RYK: variants seen among roughly 807,000 people sequenced by gnomAD.
The protein encoded by RYK is receptor like tyrosine kinase.
A neutral mutation model predicts 70.2 loss-of-function variants in RYK; 21 were observed. The observed-to-expected ratio is 0.30, with a 90% CI of 0.21 to 0.43. The LOEUF (loss-of-function observed/expected upper bound fraction) is 0.43, where lower values mean the gene tolerates loss of function less well. Among genes scored for constraint, RYK ranks in the 20% least tolerant of loss-of-function variants. The probability of loss-of-function intolerance (pLI) is 1.00; values close to 1 mark genes in which losing one functional copy is unlikely to be tolerated. For synonymous variants in RYK, 267 were observed against 278.0 expected, an observed-to-expected ratio of 0.96 and a Z score of 0.39; for missense variants, 604 against 753.3, an observed-to-expected ratio of 0.80 and a Z score of 2.32.
At chr3:134,186,123 T>C (rs1034226167) in intron 9 of RYK, among the ~76,000 whole-genome samples, 7 of 152,194 alleles carry the variant, frequency 4.6e-5, no homozygotes, top group African/African-American at 1.7e-4. Flanking sequence ...ACTATAAAAA[T>C]TTAGTAGCTA....
chr3:134,169,079 TG>T (rs2012799416), intron 13 of RYK, among the ~76,000 whole-genome samples: 1 of 152,226 alleles, frequency 6.6e-6, no homozygotes, highest in East Asian at 1.9e-4. Flanking sequence ...CAACACATTT[TG>T]ATTTGTCCTA....
intron 13 of RYK, among the ~76,000 whole-genome samples, chr3:134,166,020 G>C (rs2012653171): frequency 6.6e-6 from 1 of 152,248 alleles, no homozygotes; most frequent in Non-Finnish European, 1.5e-5. Context: ...TTTTAGGGCT[G>C]TTGGGATGGA....
At chr3:134,165,165 CTTTTTTA>C (rs2012617469) in intron 13 of RYK, among the ~76,000 whole-genome samples, 1 of 152,086 alleles carries the variant, frequency 6.6e-6, no homozygotes, top group Non-Finnish European at 1.5e-5. Flanking sequence ...TTCTTATAAA[CTTTTTTA>C]AAACTTTATT....
In RYK at chr3:134,201,529, GAGAGAC is replaced by G. The variant is rs779231178; in HGVS notation, c.788+1195_788+1200del. Reference sequence around the variant, plus strand: ...AGTGCAATAACTGCTACGAGAGAGAGAGAGACAGAGACAGAGACAAAGAGAAAGGGG... The same window carrying G: ...AGTGCAATAACTGCTACGAGAGAGAGAGAGACAGAGACAAAGAGAAAGGGG... On this transcript the variant is annotated intron_variant, in intron 6 of 14. Transcript: ENST00000623711. Among the ~76,000 whole-genome samples, 80 of 152,282 alleles carry G rather than the reference GAGAGAC, an allele frequency of 5.3e-4. No individual in the cohort carries two copies. The South Asian group carries it at 8.3e-3, about 16-fold the overall frequency.
At chr3:134,175,104 G>C (rs1316988674) in intron 13 of RYK, among the ~76,000 whole-genome samples, 1 of 152,190 alleles carries the variant, frequency 6.6e-6, no homozygotes, top group African/African-American at 2.4e-5. Flanking sequence ...GGGAGGCGGA[G>C]GCAGGTGGAT....
In RYK at chr3:134,250,471, GC is replaced by G. The variant is rs1266873233; in HGVS notation, c.183del (p.Ser63AlafsTer2). On this transcript the variant is annotated frameshift_variant, in exon 1 of 15. Transcript: ENST00000623711. LOFTEE classifies it high-confidence loss of function. ...TCGCTCAGGTAGAGACTCACGCTGGGCCCCGCGGAAGCCGACTGCAGCTCCG... is the reference window on the plus strand; with the variant it reads ...TCGCTCAGGTAGAGACTCACGCTGGGCCCGCGGAAGCCGACTGCAGCTCCG... ...RPPELQSASA[G>X]PSVSLYLSED... The G allele has an allele frequency of 2.2e-6, 3 of 1,368,314 alleles. No individual in the cohort carries two copies. Among genetic ancestry groups the G allele is most frequent in the Admixed American group, 2.7e-5 (1 of 37,658 alleles). 84.8% of individuals were successfully genotyped at this position (1,368,314 alleles called of 1,614,324 possible).
chr3:134,211,574 C>T lies in RYK; in HGVS notation c.388G>A (p.Val130Ile). ...EYKLGFQVDN[V>I]LAMDMPQVNI... The stretch of plus-strand genomic sequence containing the variant: ...ACCTGGGGCATATCCATTGCCAAAA[C>T]ATTGTCCACTTGGAATCCCAGCTTA... The change falls in exon 3 of 15, where the codon GTT (valine) becomes ATT (isoleucine). Residue 130 changes from valine (V) to isoleucine (I), a missense_variant. Physicochemically the swap from Val to Ile is conservative, Grantham distance 29 (BLOSUM62 3). Coordinates refer to ENST00000623711, the MANE Select transcript of RYK (RefSeq NM_002958.4). 6.2e-7 allele frequency: 1 copy of T among 1,613,710 alleles called. No homozygotes were observed. The highest frequency in any genetic ancestry group is 1.1e-5 in the South Asian group (1 of 91,056).
intron 1 of RYK, among the ~76,000 whole-genome samples, chr3:134,230,741 G>C (rs566986051): frequency 2.0e-5 from 3 of 152,262 alleles, no homozygotes; most frequent in Admixed American, 6.5e-5. Flanking sequence ...CCTATATCTT[G>C]GTTGGAGTGG....
chr3:134,168,002 C>G (rs2012745789), intron 13 of RYK, among the ~76,000 whole-genome samples: 1 of 152,088 alleles, frequency 6.6e-6, no homozygotes, highest in Non-Finnish European at 1.5e-5. Flanking sequence ...TTTATGCAGC[C>G]AAAAGACACA....
chr3:134,236,517 T>G (rs1478441416), intron 1 of RYK, among the ~76,000 whole-genome samples: 1 of 152,184 alleles, frequency 6.6e-6, no homozygotes, highest in Non-Finnish European at 1.5e-5. Flanking sequence ...GAGCTACAGA[T>G]TCACTAAAAT....
At chr3:134,199,972 C>T (rs2013942241) in intron 6 of RYK, among the ~76,000 whole-genome samples, 1 of 151,106 alleles carries the variant, frequency 6.6e-6, no homozygotes, top group Non-Finnish European at 1.5e-5. Context: ...TTTGTAAACG[C>T]ACCAATCAGC....
chr3:134,195,494 G>A (rs748557827), intron 6 of RYK, among the ~76,000 whole-genome samples: 19 of 152,104 alleles, frequency 1.2e-4, no homozygotes, highest in Non-Finnish European at 2.6e-4. Flanking sequence ...AGGGAACTAC[G>A]GATCATCTCT....
intron 1 of RYK, among the ~76,000 whole-genome samples, chr3:134,226,635 T>C (rs1340302526): frequency 6.6e-6 from 1 of 152,076 alleles, no homozygotes. Flanking sequence ...CATAAAAGGA[T>C]TAACACATCA....
intron 9 of RYK, among the ~76,000 whole-genome samples, chr3:134,184,861 C>G (rs1226433075): frequency 1.3e-5 from 2 of 151,296 alleles, no homozygotes; most frequent in Non-Finnish European, 2.9e-5. Flanking sequence ...TCTTAAAAAC[C>G]CTTTCAAAGA....
intron 1 of RYK, among the ~76,000 whole-genome samples, chr3:134,229,506 C>A (rs972629203): frequency 3.3e-5 from 5 of 150,780 alleles, no homozygotes; most frequent in African/African-American, 9.7e-5. Flanking sequence ...AAATTTAAAA[C>A]CTTATCAAAA....
chr3:134,188,896 A>G lies in RYK; in HGVS notation c.1043T>C (p.Ile348Thr). The change falls in exon 9 of 15, where the codon ATT becomes ACT. Residue 348 changes from isoleucine (I) to threonine (T), a missense_variant. Transcript: ENST00000623711. ...ATTTGGATCTTTTTCATCTATTAAA[A>G]TCCCATGGAAAATACGCCCAAAAGT... ...EGTFGRIFHGILIDEKDPNKE... is the reference protein window; with the variant it reads ...EGTFGRIFHGTLIDEKDPNKE... 6.3e-7 allele frequency: 1 copy of G among 1,577,384 alleles called. No homozygotes were observed. Among genetic ancestry groups the G allele is most frequent in the Non-Finnish European group, 8.7e-7 (1 of 1,152,794 alleles).
At chr3:134,237,003 T>C (rs987249265) in intron 1 of RYK, among the ~76,000 whole-genome samples, 1 of 152,212 alleles carries the variant, frequency 6.6e-6, no homozygotes, top group Non-Finnish European at 1.5e-5. Flanking sequence ...TGCTCTCTTG[T>C]TAGAAAGCAT....
intron 1 of RYK, among the ~76,000 whole-genome samples, chr3:134,249,932 T>TTTG (rs1553713514): frequency 6.8e-6 from 1 of 147,276 alleles, no homozygotes; most frequent in Non-Finnish European, 1.5e-5. Context: ...TTTTTTTTTT[T>TTTG]TTTTTTTTTT....
intron 2 of RYK, among the ~76,000 whole-genome samples, chr3:134,221,844 A>G (rs1337564003): frequency 1.3e-5 from 2 of 152,168 alleles, no homozygotes; most frequent in Non-Finnish European, 2.9e-5. Context: ...AAAACTTACC[A>G]TGTTTGAGGG....
Sources: gnomAD v4.1 joint callset for allele counts (sites outside exome capture counted in the v4.1 genomes callset) on GRCh38, gnomAD v4.1.1 for gene constraint, MANE v1.5 for transcripts, NCBI Gene and HGNC (gene_info 2026-07-23, HGNC 2026-07-21) for gene names.